The following RAB18 variants were observed in gnomAD, a reference collection of about 807,000 sequenced individuals.
RAB18 encodes ras-related protein Rab-18.
RAB18 carries 10 observed loss-of-function variants against 28.5 expected under a neutral mutation model. The observed-to-expected ratio is 0.35, with a 90% CI of 0.22 to 0.60. The LOEUF (loss-of-function observed/expected upper bound fraction) is 0.60, where lower values mean the gene tolerates loss of function less well. Ranked by LOEUF, RAB18 falls within the 20% of genes least tolerant of loss-of-function variation. The probability of loss-of-function intolerance (pLI) is 0.78; values close to 1 mark genes in which losing one functional copy is unlikely to be tolerated. For synonymous variants in RAB18, 93 were observed against 86.9 expected, an observed-to-expected ratio of 1.07 and a Z score of -0.39; for missense variants, 188 against 244.2, an observed-to-expected ratio of 0.77 and a Z score of 1.53.
At chr10:27,537,329 A>T (rs1157475558) in intron 6 of RAB18, among the ~76,000 whole-genome samples, 1 of 152,198 alleles carries the variant, frequency 6.6e-6, no homozygotes, top group Admixed American at 6.5e-5. Flanking sequence ...GGTGAGAAAG[A>T]TCATCACTAA....
At chr10:27,524,150 A>C (rs896344224) in intron 2 of RAB18, among the ~76,000 whole-genome samples, 10 of 152,138 alleles carry the variant, frequency 6.6e-5, no homozygotes, top group African/African-American at 1.9e-4. Flanking sequence ...GGCTGGTCTT[A>C]AACTCCTGGC....
intron 2 of RAB18, among the ~76,000 whole-genome samples, chr10:27,517,897 G>A (rs1834470041): frequency 6.6e-6 from 1 of 151,742 alleles, no homozygotes; most frequent in Non-Finnish European, 1.5e-5. Context: ...CACTTACCTG[G>A]TCTCTAGTTT....
intron 1 of RAB18, among the ~76,000 whole-genome samples, chr10:27,507,796 G>A (rs191777160): frequency 9.9e-5 from 15 of 151,816 alleles, no homozygotes; most frequent in African/African-American, 3.4e-4. Flanking sequence ...CTAGCTACTC[G>A]GGAGGCTGAG....
At position 27,541,216 on chromosome 10, in the gene RAB18, C is replaced by T. The variant is rs1335822208; in HGVS notation, c.*3165C>T. On this transcript the variant is annotated 3_prime_UTR_variant, in exon 7 of 7. Transcript: ENST00000356940. Reference sequence around the variant, plus strand: ...AGACATTGTTCTGACTCCGACCCTGCCGTGTATACTCAACTATATAGACTT... The same window carrying T: ...AGACATTGTTCTGACTCCGACCCTGTCGTGTATACTCAACTATATAGACTT... The T allele has an allele frequency of 4.4e-6, 2 of 453,976 alleles. No individual in the cohort carries two copies. The highest frequency in any genetic ancestry group is 8.8e-6 in the Non-Finnish European group (2 of 226,786). 28.1% of individuals were successfully genotyped at this position (453,976 alleles called of 1,614,324 possible).
intron 2 of RAB18, 33 bp downstream of exon 2, chr10:27,509,963 G>T: frequency 1.9e-6 from 3 of 1,557,568 alleles, no homozygotes; most frequent in Non-Finnish European, 2.7e-6. Context: ...TATAGAAATG[G>T]CCAGTATTTT....
chr10:27,536,135 G>T lies in RAB18; in HGVS notation c.446-1741G>T, dbSNP rs559570778. ...TAACTCCATGTTTTAGGCATGAGCA[G>T]TGAGGTAGATTGTGCTGCCAATAAT... On this transcript the variant is annotated intron_variant, in intron 6 of 6. Coordinates refer to ENST00000356940, the MANE Select transcript of RAB18 (RefSeq NM_021252.5). Among the ~76,000 whole-genome samples, 7 of 152,156 alleles carry T rather than the reference G, an allele frequency of 4.6e-5. No individual in the cohort carries two copies. The East Asian group carries it at 1.4e-3, about 29-fold the overall frequency.
At chr10:27,504,561 G>T in intron 1 of RAB18, 124 bp downstream of exon 1, 1 of 1,103,102 alleles carries the variant, frequency 9.1e-7, no homozygotes, top group South Asian at 1.3e-5. Context: ...CTCCGCTCGC[G>T]CCCTCCTCGG....
intron 2 of RAB18, among the ~76,000 whole-genome samples, chr10:27,517,596 GTTTTACAA>G (rs1834463410): frequency 6.6e-6 from 1 of 152,114 alleles, no homozygotes. Context: ...AGAAGTAGAG[GTTTTACAA>G]TACACATTCT....
chr10:27,527,479 T>C (rs1834698442), intron 3 of RAB18, among the ~76,000 whole-genome samples: 1 of 152,042 alleles, frequency 6.6e-6, no homozygotes, highest in African/African-American at 2.4e-5. Context: ...CCAAGATGCT[T>C]AGTGTCTATG....
intron 2 of RAB18, among the ~76,000 whole-genome samples, chr10:27,521,004 TTTTA>T (rs749330710): frequency 6.6e-6 from 1 of 151,956 alleles, no homozygotes; most frequent in Non-Finnish European, 1.5e-5. Context: ...TATATTGTAT[TTTTA>T]TTTGTCTCAA....
intron 2 of RAB18, among the ~76,000 whole-genome samples, chr10:27,525,245 T>C (rs1834648110): frequency 6.6e-6 from 1 of 152,168 alleles, no homozygotes; most frequent in Non-Finnish European, 1.5e-5. Flanking sequence ...AACATGTATC[T>C]GGGATTATTA....
chr10:27,529,450 G>A (rs1834744347), intron 3 of RAB18, among the ~76,000 whole-genome samples: 1 of 151,852 alleles, frequency 6.6e-6, no homozygotes, highest in Non-Finnish European at 1.5e-5. Flanking sequence ...CTTCTAGGAT[G>A]AAATAGAATA....
intron 2 of RAB18, chr10:27,510,240 T>G (rs1589561200): frequency 2.6e-6 from 1 of 379,614 alleles, no homozygotes; most frequent in East Asian, 6.0e-5. Context: ...ACAACAGTTA[T>G]TTGAATACTT....
intron 1 of RAB18, among the ~76,000 whole-genome samples, chr10:27,508,421 AACTAGTCT>A (rs1221485434): frequency 1.0e-5 from 1 of 95,404 alleles, no homozygotes; most frequent in Non-Finnish European, 2.1e-5. Flanking sequence ...ATATTATTAC[AACTAGTCT>A]ACAAGGTAAT....
rs531510210 is a variant in RAB18, at chr10:27,504,312, G to A, written c.-58G>A. On this transcript the variant is annotated 5_prime_UTR_variant, in exon 1 of 7. Coordinates refer to ENST00000356940, the MANE Select transcript of RAB18 (RefSeq NM_021252.5). ...CGCATGCGCAGCAGCTCACTCTGCT[G>A]AAGGGCTGAGAGGCGCACCCGGGCG... is the stretch of plus-strand genomic sequence containing the variant. 6.6e-7 allele frequency: 1 copy of A among 1,521,228 alleles called. No homozygotes were observed. The highest frequency in any genetic ancestry group is 8.9e-7 in the Non-Finnish European group (1 of 1,123,030). The allele number at this position is 1,521,228 out of a possible 1,614,324, so 94.2% of individuals were successfully genotyped here.
intron 3 of RAB18, chr10:27,531,471 G>A: frequency 6.6e-7 from 1 of 1,523,290 alleles, no homozygotes; most frequent in East Asian, 2.5e-5. Flanking sequence ...ATTTACAGCA[G>A]TGGGACTGGT....
intron 2 of RAB18, among the ~76,000 whole-genome samples, chr10:27,512,942 C>G (rs1305948899): frequency 6.6e-6 from 1 of 151,286 alleles, no homozygotes; most frequent in Non-Finnish European, 1.5e-5. Flanking sequence ...CAAATAGGCC[C>G]TAGATCTTGA....
intron 3 of RAB18, chr10:27,531,538 C>A: frequency 6.7e-7 from 1 of 1,493,324 alleles, no homozygotes; most frequent in Non-Finnish European, 9.1e-7. Context: ...GGTTACTTTG[C>A]ATCAGCAGAC....
intron 2 of RAB18, among the ~76,000 whole-genome samples, chr10:27,524,690 T>G (rs1834637176): frequency 6.6e-6 from 1 of 152,196 alleles, no homozygotes; most frequent in South Asian, 2.1e-4. Flanking sequence ...GAAGACACAG[T>G]TTAATCAAAT....
Sources: gnomAD v4.1 joint callset for allele counts (sites outside exome capture counted in the v4.1 genomes callset) on GRCh38, gnomAD v4.1.1 for gene constraint, MANE v1.5 for transcripts, NCBI Gene and HGNC (gene_info 2026-07-23, HGNC 2026-07-21) for gene names.